The following BCAM variants were observed in gnomAD, a reference collection of about 807,000 sequenced individuals.
BCAM encodes the protein basal cell adhesion molecule (Lutheran blood group).
In BCAM, 61 loss-of-function variants were observed where a neutral mutation model predicts 72.4. The ratio of observed to expected loss-of-function variants is 0.84; its 90% CI spans 0.69 to 1.04. The LOEUF (loss-of-function observed/expected upper bound fraction) is 1.04. BCAM is among the 50% of genes least tolerant of loss of function. The probability of loss-of-function intolerance (pLI) is 0.00; values close to 1 mark genes in which losing one functional copy is unlikely to be tolerated. For synonymous variants in BCAM, 408 were observed against 384.2 expected (o/e 1.06, Z -0.73); for missense variants, 909 against 895.0 (o/e 1.02, Z -0.20).
Position 44,813,537 on chromosome 19 carries a change from G to T in BCAM, c.701G>T (p.Ser234Ile). The change falls in exon 6 of 15, where the codon AGC (serine) becomes ATC (isoleucine). Residue 234 changes from serine (S) to isoleucine (I), a missense_variant. By Grantham distance (142) the Ser-to-Ile change is moderately radical. Coordinates refer to ENST00000270233, the MANE Select transcript of BCAM (RefSeq NM_005581.5). This position sits in a 1 kb window ranked among gnomAD's most constrained non-coding sequence, Gnocchi z 4.2. Reference protein sequence around the residue: ...LRLRKDDRDASFHCAAHYSLP... With the variant: ...LRLRKDDRDAIFHCAAHYSLP... ...CTCCGCAAGGATGACCGAGACGCCA[G>T]CTTCCACTGCGCCGCCCACTACAGC... 6.2e-7 allele frequency: 1 copy of T among 1,612,668 alleles called. No homozygotes were observed. Among genetic ancestry groups the T allele is most frequent in the Non-Finnish European group, 8.5e-7 (1 of 1,179,924 alleles).
In BCAM at chr19:44,813,632, C is replaced by T. The variant is rs772651274; in HGVS notation, c.784+12C>T. The T allele has an allele frequency of 6.2e-6, 10 of 1,608,418 alleles. No individual in the cohort carries two copies. In the African/African-American group the frequency reaches 1.1e-4, roughly 17 times the overall value. ...CCTCACCCTGCACTGTGAGTCTGTG[C>T]TGGCCTTTGACCTCTGACCTCAGGC... is the stretch of plus-strand genomic sequence containing the variant. On this transcript the variant is annotated intron_variant, in intron 6 of 14. Transcript: ENST00000270233. The surrounding 1 kb of genome is among the most constrained non-coding windows in gnomAD (Gnocchi z 4.2).
intron 13 of BCAM, chr19:44,819,930 T>G: frequency 3.4e-6 from 1 of 296,196 alleles, no homozygotes; most frequent in Non-Finnish European, 4.3e-6. Context: ...CAACTCATCC[T>G]CATCCCCAAC....
rs753827956 is a variant in BCAM, at chr19:44,813,688, CGGG to C, written c.784+71_784+73del. ...ACCTCATGAGGCCTGACCCTCCACC[CGGG>C]GGCTTCACACTCCCCTCTGACCCTC... is the stretch of plus-strand genomic sequence containing the variant. On this transcript the variant is annotated intron_variant, in intron 6 of 14. Coordinates refer to ENST00000270233, the MANE Select transcript of BCAM (RefSeq NM_005581.5). The surrounding 1 kb of genome is among the most constrained non-coding windows in gnomAD (Gnocchi z 4.2). The C allele has an allele frequency of 1.0e-3, 1,550 of 1,550,972 alleles. 2 individuals are homozygous for C. The highest frequency in any genetic ancestry group is 1.3e-3 in the Non-Finnish European group (1,507 of 1,147,208).
Position 44,821,313 on chromosome 19 carries a change from C to G in BCAM, c.*392C>G, listed in dbSNP as rs903350146. 15 of 206,088 alleles carry G rather than the reference C, an allele frequency of 7.3e-5. No homozygotes were observed. The highest frequency in any genetic ancestry group is 1.8e-4 in the Admixed American group (3 of 16,362). 12.8% of individuals were successfully genotyped at this position (206,088 alleles called of 1,614,324 possible). A position where few individuals can be genotyped will look rare whatever the true frequency, so the allele number is the denominator to read the frequency against. On this transcript the variant is annotated 3_prime_UTR_variant, in exon 15 of 15. Transcript: ENST00000270233. ...GCAGAGTCTGACACTGGATTCCCCC[C>G]CCTCACCCCGCCCCTGGTCCCACTC... is the stretch of plus-strand genomic sequence containing the variant.
rs1968384551 is a variant in BCAM at position 44,809,182 on chromosome 19, G to A, written c.58G>A (p.Ala20Thr). The A allele has an allele frequency of 1.4e-6, 2 of 1,475,952 alleles. No individual in the cohort carries two copies. The highest frequency in any genetic ancestry group is 1.3e-5 in the South Asian group (1 of 77,788). 91.4% of individuals were successfully genotyped at this position (1,475,952 alleles called of 1,614,324 possible). ...CGGGGCCCCGCGGCTGCTGTTGCTC[G>A]CAGTCCTGCTGGCGGCGCACCCAGG... ...ARGAPRLLLL[A>T]VLLAAHPDAQ... The change falls in exon 1 of 15, where the codon GCA (alanine) becomes ACA (threonine). Residue 20 changes from alanine to threonine, a missense_variant. Ala to Thr is a moderately conservative substitution (Grantham distance 58). Coordinates refer to ENST00000270233, the MANE Select transcript of BCAM (RefSeq NM_005581.5).
In BCAM at chr19:44,821,361, C is replaced by G. The variant is rs948392355; in HGVS notation, c.*440C>G. On this transcript the variant is annotated 3_prime_UTR_variant, in exon 15 of 15. Transcript: ENST00000270233. The stretch of plus-strand genomic sequence containing the variant: ...CTCCTGCCCCCGCCCTACCTCCGCC[C>G]CACCCCATCATCTGTGGACACTGGA... 5.3e-5 allele frequency: 9 copies of G among 170,920 alleles called. No homozygotes were observed. The highest frequency in any genetic ancestry group is 1.9e-4 in the Admixed American group (3 of 15,618). The allele number at this position is 170,920 out of a possible 1,614,324, so 10.6% of individuals were successfully genotyped here.
chr19:44,813,391 G>A lies in BCAM; in HGVS notation c.601+45G>A, dbSNP rs1968455075. 6 of 1,609,146 alleles carry A rather than the reference G, an allele frequency of 3.7e-6. No homozygotes were observed. The highest frequency in any genetic ancestry group is 5.1e-6 in the Non-Finnish European group (6 of 1,177,578). On this transcript the variant is annotated intron_variant, in intron 5 of 14. Transcript: ENST00000270233. The surrounding 1 kb of genome is among the most constrained non-coding windows in gnomAD (Gnocchi z 4.2). ...GGCGGGACGTGGGCTGGGGTGGGTG[G>A]CGGGGCTATGGCCTGGCTGACTGCC...
In BCAM at chr19:44,814,352, C is replaced by T; in HGVS notation, c.921+64C>T. ...GCCCCTGACCTCTGTGACCTGCTAA[C>T]CTGCATAACTTCTAATGTGGGACCT... On this transcript the variant is annotated intron_variant, in intron 7 of 14. Transcript: ENST00000270233. The surrounding 1 kb of genome is among the most constrained non-coding windows in gnomAD (Gnocchi z 4.6). The T allele has an allele frequency of 6.5e-7, 1 of 1,539,258 alleles. No homozygotes were observed. Among genetic ancestry groups the T allele is most frequent in the Non-Finnish European group, 8.7e-7 (1 of 1,152,700 alleles).
intron 14 of BCAM, 24 bp from the exon 15 acceptor site, chr19:44,820,892 C>T (rs1193892437): frequency 6.4e-7 from 1 of 1,559,268 alleles, no homozygotes; most frequent in Admixed American, 1.9e-5. Context: ...TGGGCACAGG[C>T]TGACCTCTCC....
Position 44,814,864 on chromosome 19 carries a change from T to G in BCAM, c.1078+104T>G. ...AGTTGCTCTGTCATCCCAAACACTC[T>G]GCCTTCAACCCTTTCTCTGCATTTC... On this transcript the variant is annotated intron_variant, in intron 8 of 14. Coordinates refer to ENST00000270233, the MANE Select transcript of BCAM (RefSeq NM_005581.5). This position sits in a 1 kb window ranked among gnomAD's most constrained non-coding sequence, Gnocchi z 4.6. 2.5e-6 allele frequency: 3 copies of G among 1,216,272 alleles called. No homozygotes were observed. Among genetic ancestry groups the G allele is most frequent in the Non-Finnish European group, 3.2e-6 (3 of 928,352 alleles). The allele number at this position is 1,216,272 out of a possible 1,614,324, so 75.3% of individuals were successfully genotyped here. A position where few individuals can be genotyped will look rare whatever the true frequency, so the allele number is the denominator to read the frequency against.
chr19:44,810,847 G>A (rs548777090), intron 1 of BCAM, among the ~76,000 whole-genome samples: 2 of 152,328 alleles, frequency 1.3e-5, no homozygotes, highest in South Asian at 4.1e-4. Flanking sequence ...GGGAGAGATG[G>A]ATTTGAGACC....
In BCAM at chr19:44,812,022, G is replaced by A. The variant is rs1250866125; in HGVS notation, c.205-141G>A. On this transcript the variant is annotated intron_variant, in intron 2 of 14. Coordinates refer to ENST00000270233, the MANE Select transcript of BCAM (RefSeq NM_005581.5). The surrounding 1 kb of genome is among the most constrained non-coding windows in gnomAD (Gnocchi z 5.3). ...TAGGGAATGGGGGCAGGAGAAGGTGGGGAGGGACAGAGGGACCAGGGAGAC... is the reference window on the plus strand; with the variant it reads ...TAGGGAATGGGGGCAGGAGAAGGTGAGGAGGGACAGAGGGACCAGGGAGAC... The A allele has an allele frequency of 6.5e-6, 5 of 773,060 alleles. No homozygotes were observed. Among genetic ancestry groups the A allele is most frequent in the Non-Finnish European group, 1.0e-5 (5 of 478,720 alleles). 47.9% of individuals were successfully genotyped at this position (773,060 alleles called of 1,614,324 possible). A position where few individuals can be genotyped will look rare whatever the true frequency, so the allele number is the denominator to read the frequency against.
In BCAM at chr19:44,820,749, C is replaced by G; in HGVS notation, c.1808C>G (p.Pro603Arg). The G allele has an allele frequency of 6.7e-7, 1 of 1,485,170 alleles. No individual in the cohort carries two copies. The highest frequency in any genetic ancestry group is 9.0e-7 in the Non-Finnish European group (1 of 1,112,514). 92.0% of individuals were successfully genotyped at this position (1,485,170 alleles called of 1,614,324 possible). A position where few individuals can be genotyped will look rare whatever the true frequency, so the allele number is the denominator to read the frequency against. Reference sequence around the variant, plus strand: ...CTGAGCCACTCGGGGTCGGAGCAACCAGAGCAGACCGGCCTTCTCATGGGA... The same window carrying G: ...CTGAGCCACTCGGGGTCGGAGCAACGAGAGCAGACCGGCCTTCTCATGGGA... The part of the protein sequence containing the change: ...PGLSHSGSEQ[P>R]EQTGLLMGGA... Residue 603 changes from proline (P) to arginine (R), a missense_variant, in exon 14 of 15, where the codon CCA becomes CGA. By Grantham distance (103) the Pro-to-Arg change is moderately radical. Coordinates refer to ENST00000270233, the MANE Select transcript of BCAM (RefSeq NM_005581.5).
rs199665533 is a variant in BCAM at position 44,811,275 on chromosome 19, C to T, written c.133C>T (p.Arg45Ter). The change falls in exon 2 of 15, where the codon CGA becomes TGA. Residue 45 changes from arginine (R) to a stop codon, truncating the protein, a stop_gained. Coordinates refer to ENST00000270233, the MANE Select transcript of BCAM (RefSeq NM_005581.5). LOFTEE classifies it high-confidence loss of function. ...TGTACCCCCGCTGGTGGAGGTGATGCGAGGAAAGTCTGTCATTCTGGACTG... is the reference window on the plus strand; with the variant it reads ...TGTACCCCCGCTGGTGGAGGTGATGTGAGGAAAGTCTGTCATTCTGGACTG... ...LSVPPLVEVM[R>*]GKSVILDCTP... 1.2e-5 allele frequency: 19 copies of T among 1,613,186 alleles called. 1 individual carries two copies. Among genetic ancestry groups the T allele is most frequent in the East Asian group, 4.5e-5 (2 of 44,858 alleles).
At position 44,814,695 on chromosome 19, in the gene BCAM, G is replaced by A; in HGVS notation, c.1013G>A (p.Arg338Lys). The A allele has an allele frequency of 6.2e-7, 1 of 1,614,068 alleles. No homozygotes were observed. The highest frequency in any genetic ancestry group is 8.5e-7 in the Non-Finnish European group (1 of 1,180,022). Residue 338 changes from arginine (R) to lysine (K), a missense_variant, in exon 8 of 15, where the codon AGA (arginine) becomes AAA (lysine). Coordinates refer to ENST00000270233, the MANE Select transcript of BCAM (RefSeq NM_005581.5). The surrounding 1 kb of genome is among the most constrained non-coding windows in gnomAD (Gnocchi z 4.6). Reference sequence around the variant, plus strand: ...GGCCAGAGCGGGACCTATGGCTGCAGAGTGGAGGATTACGACGCGGCAGAT... The same window carrying A: ...GGCCAGAGCGGGACCTATGGCTGCAAAGTGGAGGATTACGACGCGGCAGAT... ...TRGQSGTYGC[R>K]VEDYDAADDV...
chr19:44,819,622 C>G lies in BCAM; in HGVS notation c.1659C>G (p.Ala553=). The change falls in exon 13 of 15, where the codon GCC becomes GCG. Residue 553 remains alanine (A), a synonymous_variant. Coordinates refer to ENST00000270233, the MANE Select transcript of BCAM (RefSeq NM_005581.5). Reference sequence around the variant, plus strand: ...CCCAGGCTGGAGTGGCCGTCATGGCCGTGGCCGTCAGCGTGGGCCTCCTGC... The same window carrying G: ...CCCAGGCTGGAGTGGCCGTCATGGCGGTGGCCGTCAGCGTGGGCCTCCTGC... ...QTSQAGVAVM[A]VAVSVGLLLL... The G allele has an allele frequency of 6.2e-7, 1 of 1,613,512 alleles. No individual in the cohort carries two copies.
At position 44,813,116 on chromosome 19, in the gene BCAM, G is replaced by A. The variant is rs923041914; in HGVS notation, c.505-134G>A. 4.8e-5 allele frequency: 47 copies of A among 981,546 alleles called. No homozygotes were observed. The highest frequency in any genetic ancestry group is 6.6e-4 in the Middle Eastern group (2 of 3,038). 60.8% of individuals were successfully genotyped at this position (981,546 alleles called of 1,614,324 possible). A position where few individuals can be genotyped will look rare whatever the true frequency, so the allele number is the denominator to read the frequency against. On this transcript the variant is annotated intron_variant, in intron 4 of 14. Coordinates refer to ENST00000270233, the MANE Select transcript of BCAM (RefSeq NM_005581.5). This position sits in a 1 kb window ranked among gnomAD's most constrained non-coding sequence, Gnocchi z 4.2. ...AGTCTGAGTCGGGGACTAGGAATTTGGACTCCTGGGTCCTGGGAGAGTCGG... is the reference window on the plus strand; with the variant it reads ...AGTCTGAGTCGGGGACTAGGAATTTAGACTCCTGGGTCCTGGGAGAGTCGG...
intron 13 of BCAM, 60 bp from the exon 14 acceptor site, chr19:44,820,645 C>T (rs1440246658): frequency 2.5e-6 from 3 of 1,206,608 alleles, no homozygotes; most frequent in African/African-American, 1.6e-5. Flanking sequence ...ATCCTCAGTT[C>T]CTCCCCCTGC....
intron 2 of BCAM, 160 bp downstream of exon 2, chr19:44,811,506 G>T: frequency 7.9e-7 from 1 of 1,261,102 alleles, no homozygotes; most frequent in South Asian, 1.4e-5. Flanking sequence ...TCTGCAAGGT[G>T]CCCCGTGTCT....
Sources: allele counts gnomAD v4.1 joint callset (sites outside exome capture counted in the v4.1 genomes callset), GRCh38; gene constraint gnomAD v4.1.1; non-coding constraint Gnocchi (gnomAD v3.1); transcripts MANE v1.5; gene names NCBI Gene and HGNC (gene_info 2026-07-23, HGNC 2026-07-21).